The following CDH18 variants were observed in gnomAD, a reference collection of about 807,000 sequenced individuals.
CDH18 encodes cadherin 18, also known as cadherin-18.
CDH18 carries 31 observed loss-of-function variants against 67.9 expected under a neutral mutation model. The ratio of observed to expected loss-of-function variants is 0.46; its 90% CI spans 0.34 to 0.62. CDH18 has a LOEUF of 0.62. Among genes scored for constraint, CDH18 ranks in the 20% least tolerant of loss-of-function variants. The pLI, the probability that CDH18 is intolerant of heterozygous loss-of-function variation, is 0.01. For missense variants in CDH18, 890 were observed against 975.5 expected (o/e 0.91, Z 1.17); for synonymous variants, 362 against 347.2 (o/e 1.04, Z -0.48).
At chr5:20,133,535 C>A (rs1749446165) in intron 2 of CDH18, among the ~76,000 whole-genome samples, 1 of 152,092 alleles carries the variant, frequency 6.6e-6, no homozygotes, top group Non-Finnish European at 1.5e-5. Flanking sequence ...AACCATATCA[C>A]CATTAAATAC....
intron 3 of CDH18, among the ~76,000 whole-genome samples, chr5:19,816,992 G>A (rs1779357557): frequency 6.6e-6 from 1 of 151,618 alleles, no homozygotes; most frequent in Admixed American, 6.6e-5. Context: ...AAGAACTACT[G>A]CACCTATTAT....
chr5:19,736,485 A>G (rs1051356759), intron 4 of CDH18, among the ~76,000 whole-genome samples: 1 of 152,216 alleles, frequency 6.6e-6, no homozygotes, highest in African/African-American at 2.4e-5. Context: ...ATAAATAATG[A>G]TATCTTCTTT....
In CDH18 at chr5:19,543,919, T is replaced by A. The variant is rs1485660362; in HGVS notation, c.1340A>T (p.Asp447Val). The change falls in exon 9 of 13, where the codon GAC becomes GTC. Residue 447 changes from aspartate to valine, a missense_variant. This residue lies in a region of CDH18 where 656 missense variants were observed against 668.1 expected (regional missense o/e 0.98). Coordinates refer to ENST00000382275, the MANE Select transcript of CDH18 (RefSeq NM_004934.5). ...TGTIRTTKVL[D>V]REETPWYNIT... ...GTTGTACCATGGAGTTTCTTCTCTG[T>A]CGAGAACCTTTGTAGTCCTAATGGT... 1.3e-6 allele frequency: 2 copies of A among 1,596,690 alleles called. No homozygotes were observed. Among genetic ancestry groups the A allele is most frequent in the Non-Finnish European group, 1.7e-6 (2 of 1,168,100 alleles).
At chr5:19,672,967 AGACACAT>A (rs1188311487) in intron 5 of CDH18, among the ~76,000 whole-genome samples, 4 of 152,042 alleles carry the variant, frequency 2.6e-5, no homozygotes, top group South Asian at 4.1e-4. Context: ...CCTTTTCTTA[AGACACAT>A]ATTCATTTAT....
Position 19,792,534 on chromosome 5 carries a change from A to C in CDH18, c.229-45298T>G, listed in dbSNP as rs539131379. Among the ~76,000 whole-genome samples, 10 of 152,284 alleles carry C rather than the reference A, an allele frequency of 6.6e-5. No individual in the cohort carries two copies. In the South Asian group the frequency reaches 2.1e-3, roughly 32 times the overall value. ...CGTAATCATGTGAGCAAATTCCCAC[A>C]GTAAATCTCCTCTTACCTACCTATC... On this transcript the variant is annotated intron_variant, in intron 3 of 12. Transcript: ENST00000382275.
At chr5:20,057,370 T>C (rs116385823) in intron 2 of CDH18, among the ~76,000 whole-genome samples, 240 of 152,334 alleles carry the variant, frequency 1.6e-3, no homozygotes, top group African/African-American at 5.6e-3. Context: ...GTGAATAATC[T>C]ATGTAACCAT....
intron 9 of CDH18, among the ~76,000 whole-genome samples, chr5:19,530,402 A>G (rs1748406208): frequency 6.6e-6 from 1 of 152,180 alleles, no homozygotes; most frequent in African/African-American, 2.4e-5. Flanking sequence ...GAAAAAACAT[A>G]AAAAAGCCAA....
intron 2 of CDH18, among the ~76,000 whole-genome samples, chr5:20,065,730 G>T (rs1260727061): frequency 6.6e-6 from 1 of 151,914 alleles, no homozygotes; most frequent in Non-Finnish European, 1.5e-5. Context: ...TACTGAAGGT[G>T]AAAAATAAAA....
intron 1 of CDH18, among the ~76,000 whole-genome samples, chr5:20,267,269 T>C (rs1228020236): frequency 6.6e-6 from 1 of 152,204 alleles, no homozygotes; most frequent in East Asian, 1.9e-4. Flanking sequence ...TTCTGGATTC[T>C]CTGTTTTGTT....
At chr5:19,595,496 C>T (rs775618783) in intron 6 of CDH18, among the ~76,000 whole-genome samples, 17 of 152,074 alleles carry the variant, frequency 1.1e-4, no homozygotes, top group South Asian at 4.1e-4. Context: ...TGGTGGCACA[C>T]GCCTGTAATC....
At chr5:20,379,381 C>T (rs1234546265) in intron 1 of CDH18, among the ~76,000 whole-genome samples, 1 of 152,136 alleles carries the variant, frequency 6.6e-6, no homozygotes, top group Non-Finnish European at 1.5e-5. Flanking sequence ...GTGACAAATG[C>T]CAACTTCAGT....
intron 1 of CDH18, among the ~76,000 whole-genome samples, chr5:20,283,508 A>C (rs1297202193): frequency 6.8e-6 from 1 of 147,486 alleles, no homozygotes; most frequent in Non-Finnish European, 1.5e-5. Flanking sequence ...GATGTTCATG[A>C]TCACGGATCA....
intron 5 of CDH18, among the ~76,000 whole-genome samples, chr5:19,698,408 A>G (rs1053206638): frequency 2.6e-5 from 4 of 152,142 alleles, no homozygotes; most frequent in Non-Finnish European, 4.4e-5. Flanking sequence ...TTGGAATCCA[A>G]GCATCAGGAG....
chr5:20,441,790 A>T (rs76183836), intron 1 of CDH18, among the ~76,000 whole-genome samples: 2 of 87,716 alleles, frequency 2.3e-5, no homozygotes, highest in African/African-American at 9.1e-5. Context: ...TTAGATCAAT[A>T]AAAAAATCCA....
chr5:20,223,296 T>C (rs1393171946), intron 2 of CDH18, among the ~76,000 whole-genome samples: 1 of 152,146 alleles, frequency 6.6e-6, no homozygotes, highest in Non-Finnish European at 1.5e-5. Flanking sequence ...CGGAGTTACA[T>C]GGGGCCTGTA....
At chr5:19,738,917 G>A (rs1223688785) in intron 4 of CDH18, among the ~76,000 whole-genome samples, 1 of 152,134 alleles carries the variant, frequency 6.6e-6, no homozygotes, top group African/African-American at 2.4e-5. Flanking sequence ...TTTAAAAAAA[G>A]TAAATGGAAA....
chr5:20,362,647 T>C (rs1223474422), intron 1 of CDH18, among the ~76,000 whole-genome samples: 1 of 152,166 alleles, frequency 6.6e-6, no homozygotes, highest in Non-Finnish European at 1.5e-5. Context: ...TTAGACATGT[T>C]AAATTCAAAC....
chr5:19,524,060 T>C lies in CDH18; in HGVS notation c.1391-3282A>G, dbSNP rs374307683. ...AGTAAATATTATACTGTAAAACTAATAAGATAATGTTTAGGATAATGCTTT... is the reference window on the plus strand; with the variant it reads ...AGTAAATATTATACTGTAAAACTAACAAGATAATGTTTAGGATAATGCTTT... On this transcript the variant is annotated intron_variant, in intron 9 of 12. Coordinates refer to ENST00000382275, the MANE Select transcript of CDH18 (RefSeq NM_004934.5). Among the ~76,000 whole-genome samples, 7 of 152,022 alleles carry C rather than the reference T, an allele frequency of 4.6e-5. No homozygotes were observed. The East Asian group carries it at 1.3e-3, about 29-fold the overall frequency.
At chr5:19,732,054 C>A (rs1194758531) in intron 4 of CDH18, among the ~76,000 whole-genome samples, 1 of 151,896 alleles carries the variant, frequency 6.6e-6, no homozygotes, top group African/African-American at 2.4e-5. Context: ...CGTGCCATTG[C>A]ACTCCAGCCT....
Sources: gnomAD v4.1 joint callset for allele counts (sites outside exome capture counted in the v4.1 genomes callset) on GRCh38, gnomAD v4.1.1 for gene constraint, gnomAD v4.1.1 regional missense constraint, MANE v1.5 for transcripts, NCBI Gene and HGNC (gene_info 2026-07-23, HGNC 2026-07-21) for gene names.